Variants in SCHIP1 observed in about 807,000 individuals in gnomAD.
SCHIP1 encodes schwannomin interacting protein 1.
SCHIP1 carries 8 observed loss-of-function variants against 29.7 expected under a neutral mutation model. The ratio of observed to expected loss-of-function variants is 0.27; its 90% CI spans 0.16 to 0.49. The LOEUF is 0.49. Ranked by LOEUF, SCHIP1 falls within the 20% of genes least tolerant of loss-of-function variation. The probability of loss-of-function intolerance (pLI) is 0.99; values close to 1 mark genes in which losing one functional copy is unlikely to be tolerated. For synonymous variants in SCHIP1, 76 were observed against 94.9 expected (o/e 0.80, Z 1.16); for missense variants, 193 against 294.6 (o/e 0.66, Z 2.52).
the SCHIP1 span, among the ~76,000 whole-genome samples, chr3:159,420,789 T>C: frequency 6.6e-6 from 1 of 152,200 alleles, no homozygotes; most frequent in Non-Finnish European, 1.5e-5. Flanking sequence ...GTCGATTTAT[T>C]TGGTTACTGA....
chr3:159,746,925 T>C, the SCHIP1 span, among the ~76,000 whole-genome samples: 22 of 152,248 alleles, frequency 1.4e-4, no homozygotes, highest in Middle Eastern at 3.2e-3. Flanking sequence ...GAAGGCTTCT[T>C]TGAGCTGTCC....
the SCHIP1 span, among the ~76,000 whole-genome samples, chr3:159,507,227 C>A: frequency 1.3e-5 from 2 of 152,028 alleles, no homozygotes; most frequent in African/African-American, 4.8e-5. Context: ...CTCTTTGAAG[C>A]AATTGTGAAT....
chr3:159,314,891 T>A, the SCHIP1 span, among the ~76,000 whole-genome samples: 3,907 of 152,294 alleles, frequency 0.026, 165 homozygotes, highest in African/African-American at 0.09. Flanking sequence ...TTACAGCCTA[T>A]TTATCTGTTC....
chr3:159,437,969 G>C, the SCHIP1 span, among the ~76,000 whole-genome samples: 1 of 152,132 alleles, frequency 6.6e-6, no homozygotes, highest in East Asian at 1.9e-4. Context: ...TAATAGCTCA[G>C]CTTCTCCAGC....
chr3:159,765,345 G>A, the SCHIP1 span: 2 of 555,880 alleles, frequency 3.6e-6, no homozygotes, highest in Non-Finnish European at 5.9e-6. Context: ...CAGGATGGGC[G>A]GAGAGGAAGG....
chr3:159,364,512 A>C, the SCHIP1 span, among the ~76,000 whole-genome samples: 1 of 152,226 alleles, frequency 6.6e-6, no homozygotes, highest in Non-Finnish European at 1.5e-5. Context: ...TGTAGCACAT[A>C]GTAGGTGTTC....
chr3:159,465,372 AG>A, the SCHIP1 span, among the ~76,000 whole-genome samples: 86 of 147,970 alleles, frequency 5.8e-4, no homozygotes, highest in African/African-American at 2.0e-3. Context: ...TGGAAATTAG[AG>A]AGAAAGAGAG....
the SCHIP1 span, among the ~76,000 whole-genome samples, chr3:159,523,304 G>T: frequency 6.6e-6 from 1 of 152,074 alleles, no homozygotes; most frequent in Admixed American, 6.5e-5. Context: ...TTAATAGCTT[G>T]TTTTTAAAAA....
chr3:159,619,752 T>C, the SCHIP1 span, among the ~76,000 whole-genome samples: 1 of 152,196 alleles, frequency 6.6e-6, no homozygotes, highest in Non-Finnish European at 1.5e-5. Context: ...GCAGCATGAG[T>C]GAACTGTTGT....
chr3:159,786,097 A>G, the SCHIP1 span, among the ~76,000 whole-genome samples: 8 of 152,220 alleles, frequency 5.3e-5, no homozygotes, highest in Non-Finnish European at 1.2e-4. Flanking sequence ...AAGGTTCATT[A>G]TAAGATCTTA....
At chr3:159,613,192 A>G in the SCHIP1 span, among the ~76,000 whole-genome samples, 1 of 152,176 alleles carries the variant, frequency 6.6e-6, no homozygotes, top group East Asian at 1.9e-4. Flanking sequence ...TTCATTTTTC[A>G]TTTTTGAAAT....
chr3:159,481,229 A>C, the SCHIP1 span, among the ~76,000 whole-genome samples: 1 of 152,156 alleles, frequency 6.6e-6, no homozygotes, highest in African/African-American at 2.4e-5. Flanking sequence ...GAAATTCTGG[A>C]GATGTGGACC....
the SCHIP1 span, among the ~76,000 whole-genome samples, chr3:159,831,455 C>T: frequency 2.6e-5 from 4 of 152,056 alleles, no homozygotes; most frequent in African/African-American, 9.7e-5. Context: ...GTCCCAAACC[C>T]AATATATTAT....
intron 2 of SCHIP1, among the ~76,000 whole-genome samples, chr3:159,882,100 T>G (rs1282969960): frequency 1.3e-5 from 2 of 152,156 alleles, no homozygotes; most frequent in African/African-American, 4.8e-5. Context: ...ACTCCACTTC[T>G]CAATGGGAGA....
chr3:159,795,706 T>G, the SCHIP1 span, among the ~76,000 whole-genome samples: 2 of 152,182 alleles, frequency 1.3e-5, no homozygotes, highest in African/African-American at 4.8e-5. Flanking sequence ...AGCTGGGTCC[T>G]GAAAAATAAT....
chr3:159,337,785 A>G, the SCHIP1 span, among the ~76,000 whole-genome samples: 14 of 152,232 alleles, frequency 9.2e-5, no homozygotes, highest in East Asian at 2.7e-3. Flanking sequence ...TCAATCCAAA[A>G]TAGTGTGTGG....
the SCHIP1 span, among the ~76,000 whole-genome samples, chr3:159,718,721 C>G: frequency 6.6e-6 from 1 of 151,948 alleles, no homozygotes; most frequent in South Asian, 2.1e-4. Flanking sequence ...CACTGCTCAA[C>G]GAAATAAAAG....
At chr3:159,811,071 CT>C in the SCHIP1 span, among the ~76,000 whole-genome samples, 2 of 152,122 alleles carry the variant, frequency 1.3e-5, no homozygotes, top group African/African-American at 2.4e-5. Flanking sequence ...TGTTGAGCAC[CT>C]TTTCAAATGC....
At chr3:159,786,570 G>A in the SCHIP1 span, among the ~76,000 whole-genome samples, 3 of 152,026 alleles carry the variant, frequency 2.0e-5, no homozygotes, top group Admixed American at 6.6e-5. Flanking sequence ...AATGGATTTC[G>A]TGCTGCTGAA....
Sources: gnomAD v4.1 joint callset for allele counts (sites outside exome capture counted in the v4.1 genomes callset) on GRCh38, gnomAD v4.1.1 for gene constraint, MANE v1.5 for transcripts, NCBI Gene and HGNC (gene_info 2026-07-23, HGNC 2026-07-21) for gene names.